The following GSE1 variants were observed in gnomAD, a reference collection of about 807,000 sequenced individuals.
GSE1 encodes Gse1 coiled-coil protein, also known as genetic suppressor element 1.
GSE1 carries 32 observed loss-of-function variants against 112.6 expected under a neutral mutation model. The ratio of observed to expected loss-of-function variants is 0.28; its 90% confidence interval spans 0.21 to 0.38. The LOEUF (loss-of-function observed/expected upper bound fraction) is 0.38, where lower values mean the gene tolerates loss of function less well. Ranked by LOEUF, GSE1 falls within the 10% of genes least tolerant of loss-of-function variation. The pLI is 1.00. For synonymous variants in GSE1, 1,115 were observed against 735.6 expected, an observed-to-expected ratio of 1.52 and a Z score of -8.35; for missense variants, 2,348 against 1,699.2, an observed-to-expected ratio of 1.38 and a Z score of -6.71.
At chr16:85,376,887 T>TCCGCACA (rs1037855952) in intron 2 of GSE1, among the ~76,000 whole-genome samples, 3 of 152,186 alleles carry the variant, frequency 2.0e-5, no homozygotes, top group South Asian at 2.1e-4. Flanking sequence ...TGCACACCCC[T>TCCGCACA]CCGCACACCG....
chr16:85,330,793 C>T (rs2046321264), intron 1 of GSE1, among the ~76,000 whole-genome samples: 2 of 152,242 alleles, frequency 1.3e-5, no homozygotes, highest in South Asian at 2.1e-4. Flanking sequence ...AGCATGAGCC[C>T]TTGGGGCCCA....
In GSE1 at chr16:85,674,428, C is replaced by G. The variant is rs1030810208; in HGVS notation, c.*1889C>G. On this transcript the variant is annotated 3_prime_UTR_variant, in exon 16 of 16. Coordinates refer to ENST00000253458, the MANE Select transcript of GSE1 (RefSeq NM_014615.5). ...ACTCGAGGGGCTGTGCTGCAGGCCTCCCCTCGAAAGACACTGGGAGGTCAG... is the reference window on the plus strand; with the variant it reads ...ACTCGAGGGGCTGTGCTGCAGGCCTGCCCTCGAAAGACACTGGGAGGTCAG... 3 of 150,544 alleles carry G rather than the reference C, an allele frequency of 2.0e-5. No individual in the cohort carries two copies. Among genetic ancestry groups the G allele is most frequent in the African/African-American group, 7.5e-5 (3 of 40,144 alleles). The allele number at this position is 150,544 out of a possible 1,614,324, so 9.3% of individuals were successfully genotyped here.
intron 2 of GSE1, among the ~76,000 whole-genome samples, chr16:85,518,963 A>G (rs1047910283): frequency 7.2e-5 from 11 of 152,090 alleles, no homozygotes; most frequent in Non-Finnish European, 1.5e-4. Context: ...GCAGGACCAC[A>G]TGGTGTTGAG....
intron 1 of GSE1, among the ~76,000 whole-genome samples, chr16:85,561,293 C>T (rs979765487): frequency 2.0e-5 from 3 of 152,200 alleles, no homozygotes; most frequent in African/African-American, 4.8e-5. Context: ...ATTGAGGTCA[C>T]ATGTGCGCTA....
chr16:85,562,727 G>T (rs2045578270), intron 1 of GSE1, among the ~76,000 whole-genome samples: 1 of 152,226 alleles, frequency 6.6e-6, no homozygotes, highest in Admixed American at 6.5e-5. Context: ...ACGTGTTGGG[G>T]GGAGCGGTCC....
intron 2 of GSE1, among the ~76,000 whole-genome samples, chr16:85,407,317 C>A (rs2048325396): frequency 2.7e-5 from 1 of 36,944 alleles, no homozygotes; most frequent in East Asian, 9.4e-4. Context: ...GGATAATCCT[C>A]ACTGTTACTC....
chr16:85,180,261 C>T (rs972919198), intron 1 of GSE1, among the ~76,000 whole-genome samples: 1 of 152,264 alleles, frequency 6.6e-6, no homozygotes, highest in Non-Finnish European at 1.5e-5. Context: ...CCCTGCCAAG[C>T]CAGGGCCCGG....
Position 85,656,472 on chromosome 16 carries a change from GGAGCGT to G in GSE1, c.1129_1134del (p.Arg377_Glu378del), listed in dbSNP as rs748320488. Reference sequence around the variant, plus strand: ...GCGAGAAGGAGCGCGAGCAAGAGAAGGAGCGTGAGCGTGAGAAGGAGCGCGAGCGCG... The same window carrying G: ...GCGAGAAGGAGCGCGAGCAAGAGAAGGAGCGTGAGAAGGAGCGCGAGCGCG... On this transcript the variant is annotated inframe_deletion, in exon 7 of 16. Transcript: ENST00000253458. The G allele has an allele frequency of 9.1e-6, 14 of 1,543,786 alleles. No individual in the cohort carries two copies. The highest frequency in any genetic ancestry group is 1.7e-4 in the Middle Eastern group (1 of 5,836).
intron 2 of GSE1, among the ~76,000 whole-genome samples, chr16:85,374,718 G>C (rs75958973): frequency 6.6e-6 from 1 of 152,156 alleles, no homozygotes; most frequent in African/African-American, 2.4e-5. Context: ...CAGTGGATGC[G>C]TTCGAGCTGC....
chr16:85,178,263 TC>T (rs1335417126), intron 1 of GSE1, among the ~76,000 whole-genome samples: 1 of 152,064 alleles, frequency 6.6e-6, no homozygotes, highest in East Asian at 1.9e-4. Context: ...TTCAGCCAAG[TC>T]CGTGTAGGGG....
intron 1 of GSE1, among the ~76,000 whole-genome samples, chr16:85,291,698 C>T (rs2045217979): frequency 6.6e-6 from 1 of 152,210 alleles, no homozygotes; most frequent in South Asian, 2.1e-4. Flanking sequence ...ACCCTCCCTA[C>T]ACTGCCCTCA....
intron 1 of GSE1, among the ~76,000 whole-genome samples, chr16:85,586,098 G>A (rs1346389754): frequency 6.6e-6 from 1 of 152,150 alleles, no homozygotes; most frequent in Non-Finnish European, 1.5e-5. Flanking sequence ...TCCGTTCCCT[G>A]TGTCTCTTCG....
At position 85,661,730 on chromosome 16, in the gene GSE1, T is replaced by C; in HGVS notation, c.2225T>C (p.Leu742Pro). The C allele has an allele frequency of 6.3e-7, 1 of 1,576,660 alleles. No individual in the cohort carries two copies. The highest frequency in any genetic ancestry group is 8.6e-7 in the Non-Finnish European group (1 of 1,160,226). Residue 742 changes from leucine (L) to proline (P), a missense_variant, in exon 9 of 16, where the codon CTG becomes CCG. Transcript: ENST00000253458. ...CGGAGGCTGGTCAGCAAGCTGGACC[T>C]GGAGGAGCGCAGGCGGCGGGAGGCC... ...QRRRLVSKLD[L>P]EERRRREAQE... is the part of the protein sequence containing the mutation.
At chr16:85,265,016 G>A (rs190949853) in intron 1 of GSE1, among the ~76,000 whole-genome samples, 26 of 152,306 alleles carry the variant, frequency 1.7e-4, no homozygotes, top group African/African-American at 5.5e-4. Flanking sequence ...AAGAGTAAAC[G>A]AGCAGGCACC....
chr16:85,336,413 C>T (rs2046485587), intron 1 of GSE1, among the ~76,000 whole-genome samples: 1 of 152,182 alleles, frequency 6.6e-6, no homozygotes, highest in Non-Finnish European at 1.5e-5. Flanking sequence ...TCAGAGATGC[C>T]GACCAGTCGG....
intron 2 of GSE1, among the ~76,000 whole-genome samples, chr16:85,467,525 G>C (rs2050158746): frequency 1.3e-5 from 2 of 151,694 alleles, no homozygotes; most frequent in African/African-American, 4.9e-5. Context: ...ACTTGTGCCT[G>C]GTGTTTGTGC....
intron 2 of GSE1, among the ~76,000 whole-genome samples, chr16:85,429,011 G>A (rs937117835): frequency 2.0e-5 from 3 of 152,178 alleles, no homozygotes; most frequent in East Asian, 1.9e-4. Flanking sequence ...ACACAGCAGC[G>A]TGCACAACGC....
chr16:85,431,939 G>A (rs567019137), intron 2 of GSE1, among the ~76,000 whole-genome samples: 31 of 152,266 alleles, frequency 2.0e-4, no homozygotes, highest in Non-Finnish European at 3.8e-4. Flanking sequence ...ATTAATGAGT[G>A]GCGGGGCTGT....
intron 2 of GSE1, among the ~76,000 whole-genome samples, chr16:85,525,973 C>T (rs949192629): frequency 6.6e-6 from 1 of 152,206 alleles, no homozygotes; most frequent in African/African-American, 2.4e-5. Context: ...TGCATTGACT[C>T]TGCCGGGGTA....
Sources: gnomAD v4.1 joint callset for allele counts (sites outside exome capture counted in the v4.1 genomes callset) on GRCh38, gnomAD v4.1.1 for gene constraint, MANE v1.5 for transcripts, NCBI Gene and HGNC (gene_info 2026-07-23, HGNC 2026-07-21) for gene names.